The following THSD4 variants were observed in gnomAD, a reference collection of about 807,000 sequenced individuals.
THSD4 encodes thrombospondin type 1 domain containing 4.
THSD4 carries 69 observed loss-of-function variants against 119.0 expected under a neutral mutation model. The ratio of observed to expected loss-of-function variants is 0.58; its 90% CI spans 0.48 to 0.71. THSD4 has a LOEUF of 0.71. Ranked by LOEUF, THSD4 falls within the 30% of genes least tolerant of loss-of-function variation. The pLI is 0.00. For synonymous variants in THSD4, 524 were observed against 540.4 expected (o/e 0.97, Z 0.42); for missense variants, 1,393 against 1,391.1 (o/e 1.00, Z -0.02).
intron 7 of THSD4, among the ~76,000 whole-genome samples, chr15:71,643,344 G>T (rs143368229): frequency 6.6e-6 from 1 of 152,106 alleles, no homozygotes; most frequent in Non-Finnish European, 1.5e-5. Context: ...GAGTACATGT[G>T]CAGGTTTGTT....
intron 6 of THSD4, among the ~76,000 whole-genome samples, chr15:71,331,025 C>T (rs2045413897): frequency 6.6e-6 from 1 of 152,148 alleles, no homozygotes; most frequent in Non-Finnish European, 1.5e-5. Flanking sequence ...CGGGTGTAGA[C>T]AGAGCGTTGA....
rs187099100 is a variant in THSD4 at position 71,129,414 on chromosome 15, G to A, written c.-79-12035G>A. 2.6e-4 allele frequency among the ~76,000 whole-genome samples: 40 copies of A among 152,302 alleles called. No homozygotes were observed. In the East Asian group the frequency reaches 6.0e-3, roughly 23 times the overall value. ...GGGAGAGCCAACAAGGAAGACAGAA[G>A]AGACAGGAAGAGAGCAGGTTTGTAG... On this transcript the variant is annotated intron_variant, in intron 1 of 17. Coordinates refer to ENST00000261862, the MANE Select transcript of THSD4 (RefSeq NM_024817.3).
At chr15:71,328,464 C>T (rs1463499215) in intron 6 of THSD4, among the ~76,000 whole-genome samples, 1 of 152,164 alleles carries the variant, frequency 6.6e-6, no homozygotes, top group Non-Finnish European at 1.5e-5. Flanking sequence ...TTCATTCGTT[C>T]ATTAATTCAT....
At chr15:71,438,551 G>A (rs11072285) in intron 7 of THSD4, among the ~76,000 whole-genome samples, 47,120 of 151,932 alleles carry the variant, frequency 0.31, 7,517 homozygotes, top group Middle Eastern at 0.44. Flanking sequence ...TGAGGTATGG[G>A]TTCAATTTTA....
intron 8 of THSD4, among the ~76,000 whole-genome samples, chr15:71,725,370 A>G (rs749539399): frequency 6.6e-6 from 1 of 152,234 alleles, no homozygotes; most frequent in African/African-American, 2.4e-5. Flanking sequence ...TGGCCTGTCA[A>G]CATAAATTTG....
chr15:71,743,710 A>C lies in THSD4; in HGVS notation c.1907-1396A>C, dbSNP rs79184920. 9.8e-5 allele frequency among the ~76,000 whole-genome samples: 15 copies of C among 152,340 alleles called. No homozygotes were observed. The East Asian group carries it at 1.7e-3, about 18-fold the overall frequency. On this transcript the variant is annotated intron_variant, in intron 11 of 17. Coordinates refer to ENST00000261862, the MANE Select transcript of THSD4 (RefSeq NM_024817.3). ...TTTTACTACCAGGGTAATTTAAACAAATGATCGTTTCAGATTCAACACTGT... is the reference window on the plus strand; with the variant it reads ...TTTTACTACCAGGGTAATTTAAACACATGATCGTTTCAGATTCAACACTGT...
chr15:71,341,706 G>T, intron 6 of THSD4: 1 of 1,176,864 alleles, frequency 8.5e-7, no homozygotes, highest in Non-Finnish European at 1.3e-6. Context: ...AGTGAATAGC[G>T]AACCATTTTC....
chr15:71,404,337 G>A (rs2046576833), intron 6 of THSD4, among the ~76,000 whole-genome samples: 4 of 152,100 alleles, frequency 2.6e-5, no homozygotes, highest in Admixed American at 2.6e-4. Flanking sequence ...ATGGAATTAT[G>A]CAATATGTGG....
chr15:71,621,985 T>G (rs2050426325), intron 7 of THSD4, among the ~76,000 whole-genome samples: 1 of 152,232 alleles, frequency 6.6e-6, no homozygotes, highest in Non-Finnish European at 1.5e-5. Context: ...GCTGTTAGCA[T>G]GACTGAGAAT....
chr15:71,569,794 G>T (rs1489366709), intron 7 of THSD4, among the ~76,000 whole-genome samples: 1 of 152,194 alleles, frequency 6.6e-6, no homozygotes, highest in Non-Finnish European at 1.5e-5. Flanking sequence ...AGGAGTTGAA[G>T]ACTAGCCTGA....
intron 7 of THSD4, among the ~76,000 whole-genome samples, chr15:71,539,890 G>C (rs562090092): frequency 2.0e-5 from 3 of 152,198 alleles, no homozygotes; most frequent in Non-Finnish European, 4.4e-5. Flanking sequence ...GGCTCACTCT[G>C]TATTGATGAA....
chr15:71,776,199 C>T (rs1301660129), intron 17 of THSD4, among the ~76,000 whole-genome samples: 1 of 151,992 alleles, frequency 6.6e-6, no homozygotes, highest in Non-Finnish European at 1.5e-5. Flanking sequence ...AATTCCAAAC[C>T]ACAAAGGAAA....
At chr15:71,326,823 T>C (rs772831942) in intron 6 of THSD4, among the ~76,000 whole-genome samples, 2 of 145,566 alleles carry the variant, frequency 1.4e-5, no homozygotes, top group Non-Finnish European at 3.0e-5. Context: ...CAGTGAGATA[T>C]GATTATACCA....
intron 6 of THSD4, among the ~76,000 whole-genome samples, chr15:71,263,118 C>T (rs1215447414): frequency 1.3e-5 from 2 of 151,998 alleles, no homozygotes; most frequent in African/African-American, 4.8e-5. Context: ...TCCCTCCTCC[C>T]AGTCTCTGCC....
At position 71,447,109 on chromosome 15, in the gene THSD4, A is replaced by ATTTTTTT. The variant is rs1491223591; in HGVS notation, c.1152+35288_1152+35294dup. Among the ~76,000 whole-genome samples, 79 of 69,464 alleles carry ATTTTTTT rather than the reference A, an allele frequency of 1.1e-3. 9 individuals are homozygous for ATTTTTTT. The highest frequency in any genetic ancestry group is 4.0e-3 in the African/African-American group (72 of 18,146). The allele number at this position is 69,464 out of a possible 152,430, so 45.6% of individuals were successfully genotyped here. A position where few individuals can be genotyped will look rare whatever the true frequency, so the allele number is the denominator to read the frequency against. On this transcript the variant is annotated intron_variant, in intron 7 of 17. Coordinates refer to ENST00000261862, the MANE Select transcript of THSD4 (RefSeq NM_024817.3). ...TGTCCTCTGTTGCCCTCTTCCCTCC[A>ATTTTTTT]TTTTTTTTGTTTTTTTTTTTTTTTT...
intron 2 of THSD4, among the ~76,000 whole-genome samples, chr15:71,143,198 G>A (rs919111977): frequency 3.9e-5 from 6 of 152,120 alleles, no homozygotes; most frequent in African/African-American, 1.4e-4. Context: ...GCCACGAGGA[G>A]GACAGCCCAA....
At chr15:71,341,445 A>C in intron 6 of THSD4, 1 of 1,613,148 alleles carries the variant, frequency 6.2e-7, no homozygotes, top group Non-Finnish European at 8.5e-7. Flanking sequence ...TGCAGCAAGA[A>C]TTCAGCACTC....
At chr15:71,105,048 T>A (rs2141340985) in intron 1 of THSD4, among the ~76,000 whole-genome samples, 1 of 152,326 alleles carries the variant, frequency 6.6e-6, no homozygotes, top group Non-Finnish European at 1.5e-5. Context: ...GGTGGGGATA[T>A]ATCACCTCCC....
chr15:71,401,376 T>C (rs2046530191), intron 6 of THSD4, among the ~76,000 whole-genome samples: 1 of 152,194 alleles, frequency 6.6e-6, no homozygotes, highest in African/African-American at 2.4e-5. Context: ...ATTTTCTAGA[T>C]TTTTTTAAAA....
Sources: gnomAD v4.1 joint callset for allele counts (sites outside exome capture counted in the v4.1 genomes callset) on GRCh38, gnomAD v4.1.1 for gene constraint, MANE v1.5 for transcripts, NCBI Gene and HGNC (gene_info 2026-07-23, HGNC 2026-07-21) for gene names.